The following ZNF347 variants were observed in gnomAD, a reference collection of about 807,000 sequenced individuals.
ZNF347 encodes CTD-2620I22.7.
Under a neutral mutation model 12.9 loss-of-function variants are expected in ZNF347, and 19 were observed. The observed-to-expected ratio is 1.47, with a 90% CI of 1.03 to 2.16. ZNF347 has a LOEUF of 2.16. ZNF347 is among the 30% of genes most tolerant of loss of function. The pLI, the probability that ZNF347 is intolerant of heterozygous loss-of-function variation, is 0.00. For synonymous variants in ZNF347, 328 were observed against 340.6 expected, an observed-to-expected ratio of 0.96 and a Z score of 0.41; for missense variants, 1,005 against 990.6, an observed-to-expected ratio of 1.01 and a Z score of -0.19.
In ZNF347 at chr19:53,153,721, A is replaced by T; in HGVS notation, c.15+12T>A. 1 of 1,613,492 alleles carries T rather than the reference A, an allele frequency of 6.2e-7. No individual in the cohort carries two copies. Among genetic ancestry groups the T allele is most frequent in the Non-Finnish European group, 8.5e-7 (1 of 1,179,382 alleles). On this transcript the variant is annotated intron_variant, in intron 2 of 4. Transcript: ENST00000334197. ...TAAGAGACAGAACAATCCACTGATA[A>T]TATTACCTTACCTGGGTGAGAGCCA...
rs540923014 is a variant in ZNF347, at chr19:53,155,083, G to A, written c.-46-1290C>T. On this transcript the variant is annotated intron_variant, in intron 1 of 4. Transcript: ENST00000334197. ...CTCCAGAGTAGCTGGGATCACAGGC[G>A]CGTGCCACTATGCCTGGCTAATTTT... Among the ~76,000 whole-genome samples, 55 of 151,982 alleles carry A rather than the reference G, an allele frequency of 3.6e-4. No individual in the cohort carries two copies. In the South Asian group the frequency reaches 7.5e-3, roughly 21 times the overall value.
rs1475171392 is a variant in ZNF347 at position 53,138,153 on chromosome 19, T to A, written c.*2155A>T. The A allele has an allele frequency of 6.6e-6, 1 of 151,958 alleles. No individual in the cohort carries two copies. Among genetic ancestry groups the A allele is most frequent in the Non-Finnish European group, 1.5e-5 (1 of 68,190 alleles). 9.4% of individuals were successfully genotyped at this position (151,958 alleles called of 1,614,324 possible). Reference sequence around the variant, plus strand: ...TTTTTTGAGACAGGGTCTCGCTCTGTCACCCAGGCTGGAGTGCAATGGCGC... The same window carrying A: ...TTTTTTGAGACAGGGTCTCGCTCTGACACCCAGGCTGGAGTGCAATGGCGC... On this transcript the variant is annotated 3_prime_UTR_variant, in exon 5 of 5. Coordinates refer to ENST00000334197, the MANE Select transcript of ZNF347 (RefSeq NM_032584.3).
chr19:53,149,266 C>T lies in ZNF347; in HGVS notation c.117G>A (p.Glu39=). Residue 39 remains glutamate, a synonymous_variant, in exon 3 of 5, where the codon GAG becomes GAA. Coordinates refer to ENST00000334197, the MANE Select transcript of ZNF347 (RefSeq NM_032584.3). ...QRTLYRDVML[E]NYRNLASLGI... ...CCAGGGAGGCCAGGTTCCTATAATT[C>T]TCCAACATCACGTCCCTGTACAAAG... is the stretch of plus-strand genomic sequence containing the variant. 6.2e-7 allele frequency: 1 copy of T among 1,613,488 alleles called. No individual in the cohort carries two copies. The highest frequency in any genetic ancestry group is 8.5e-7 in the Non-Finnish European group (1 of 1,179,826).
At position 53,142,380 on chromosome 19, in the gene ZNF347, C is replaced by T. The variant is rs759465350; in HGVS notation, c.448G>A (p.Gly150Arg). The T allele has an allele frequency of 6.2e-7, 1 of 1,614,032 alleles. No individual in the cohort carries two copies. The highest frequency in any genetic ancestry group is 1.1e-5 in the South Asian group (1 of 91,074). ...GTCAAAAGCACTCCTTTGTAATTTCCTTCAGCATCTCTGCATTGATACTCA... is the reference window on the plus strand; with the variant it reads ...GTCAAAAGCACTCCTTTGTAATTTCTTTCAGCATCTCTGCATTGATACTCA... ...GLEYQCRDAE[G>R]NYKGVLLTQE... The change falls in exon 5 of 5, where the codon GGA becomes AGA. Residue 150 changes from glycine (G) to arginine (R), a missense_variant. By Grantham distance (125) the Gly-to-Arg change is moderately radical (BLOSUM62 -2). Transcript: ENST00000334197.
rs775319573 is a variant in ZNF347, at chr19:53,151,981, T to A, written c.15+1752A>T. ...GGTGGTGGACATCTGTAATTCCAGC[T>A]ACTCAGGAGGGTGAGGCAGGAGAAT... is the stretch of plus-strand genomic sequence containing the variant. On this transcript the variant is annotated intron_variant, in intron 2 of 4. Coordinates refer to ENST00000334197, the MANE Select transcript of ZNF347 (RefSeq NM_032584.3). Among the ~76,000 whole-genome samples the A allele has an allele frequency of 1.9e-4, 28 of 150,048 alleles. 2 individuals carry two copies. Among genetic ancestry groups the A allele is most frequent in the Non-Finnish European group, 3.7e-4 (25 of 67,690 alleles).
rs1193406276 is a variant in ZNF347 at position 53,149,312 on chromosome 19, C to A, written c.71G>T (p.Cys24Phe). 1.2e-6 allele frequency: 2 copies of A among 1,614,022 alleles called. No individual in the cohort carries two copies. The highest frequency in any genetic ancestry group is 1.7e-4 in the Middle Eastern group (1 of 6,060). Reference protein sequence around the residue: ...AIEFSQEEWTCLDPAQRTLYR... With the variant: ...AIEFSQEEWTFLDPAQRTLYR... ...CAAAGTCCTCTGAGCGGGGTCCAGG[C>A]ATGTCCACTCCTCCTGAGAGAATTC... The change falls in exon 3 of 5, where the codon TGC becomes TTC. Residue 24 changes from cysteine (C) to phenylalanine (F), a missense_variant. By Grantham distance (205) the Cys-to-Phe change is radical (BLOSUM62 -2). Transcript: ENST00000334197.
intron 1 of ZNF347, 24 bp downstream of exon 1, chr19:53,158,985 T>G (rs947408515): frequency 6.6e-6 from 1 of 151,600 alleles, no homozygotes; most frequent in Non-Finnish European, 1.5e-5. Flanking sequence ...TTCGCAAGTT[T>G]AATCCATACT....
chr19:53,158,585 G>C (rs1489146646), intron 1 of ZNF347: 2 of 152,228 alleles, frequency 1.3e-5, no homozygotes, highest in Non-Finnish European at 2.9e-5. Context: ...TGGGGTGGAG[G>C]GCGCGGTGCG....
At chr19:53,149,007 C>G in intron 3 of ZNF347, 198 bp from the exon 4 acceptor site, 1 of 1,088,612 alleles carries the variant, frequency 9.2e-7, no homozygotes, top group East Asian at 2.7e-5. Flanking sequence ...ACCACTGAAT[C>G]AAAGCATGGG....
At position 53,136,356 on chromosome 19, in the gene ZNF347, A is replaced by T. The variant is rs1599847965; in HGVS notation, c.*3952T>A. ...TTTTCTAAGTGTTCACTGGAGTAAC[A>T]CAGAGAAGAAATGCAGTAAACATAT... On this transcript the variant is annotated 3_prime_UTR_variant, in exon 5 of 5. Transcript: ENST00000334197. 1 of 152,008 alleles carries T rather than the reference A, an allele frequency of 6.6e-6. No homozygotes were observed. The highest frequency in any genetic ancestry group is 6.6e-5 in the Admixed American group (1 of 15,232). The allele number at this position is 152,008 out of a possible 1,614,324, so 9.4% of individuals were successfully genotyped here.
At chr19:53,158,000 C>G (rs556154414) in intron 1 of ZNF347, among the ~76,000 whole-genome samples, 9 of 152,222 alleles carry the variant, frequency 5.9e-5, no homozygotes, top group Non-Finnish European at 1.3e-4. Flanking sequence ...TTCCCTCACT[C>G]TTTCCTCTCA....
At chr19:53,153,647 A>C (rs1046994370) in intron 2 of ZNF347, 86 bp downstream of exon 2, 1 of 1,552,044 alleles carries the variant, frequency 6.4e-7, no homozygotes, top group Non-Finnish European at 8.9e-7. Context: ...AGGACGCTTC[A>C]GACTCAGAGA....
At chr19:53,144,894 C>A (rs1451051129) in intron 4 of ZNF347, among the ~76,000 whole-genome samples, 1 of 151,874 alleles carries the variant, frequency 6.6e-6, no homozygotes. Flanking sequence ...TGTTAAGACA[C>A]CAAACAAGTC....
chr19:53,156,854 TAG>T (rs1159397804), intron 1 of ZNF347, among the ~76,000 whole-genome samples: 5 of 152,028 alleles, frequency 3.3e-5, no homozygotes, highest in African/African-American at 9.7e-5. Flanking sequence ...TAACTCCAGG[TAG>T]AGAGTTTCAG....
At position 53,155,492 on chromosome 19, in the gene ZNF347, C is replaced by G. The variant is rs562432250; in HGVS notation, c.-46-1699G>C. Among the ~76,000 whole-genome samples, 10 of 151,604 alleles carry G rather than the reference C, an allele frequency of 6.6e-5. No homozygotes were observed. In the East Asian group the frequency reaches 1.8e-3, roughly 27 times the overall value. ...GGAGCGCAGGTGCAAGCCACCACAT[C>G]CAGCTTATTTTTTTCTATTTTTCGT... is the stretch of plus-strand genomic sequence containing the variant. On this transcript the variant is annotated intron_variant, in intron 1 of 4. Coordinates refer to ENST00000334197, the MANE Select transcript of ZNF347 (RefSeq NM_032584.3).
chr19:53,152,291 A>G (rs1280625648), intron 2 of ZNF347, among the ~76,000 whole-genome samples: 1 of 152,122 alleles, frequency 6.6e-6, no homozygotes, highest in Non-Finnish European at 1.5e-5. Flanking sequence ...CAAAATTTGC[A>G]GGCTAAAATG....
In ZNF347 at chr19:53,153,813, C is replaced by G; in HGVS notation, c.-46-20G>C. The stretch of plus-strand genomic sequence containing the variant: ...TTCTTCCTTAGGTAACAGGAAAGTG[C>G]CTTTAGAAGTCAATATTGAATATCC... On this transcript the variant is annotated intron_variant, in intron 1 of 4. Transcript: ENST00000334197. 6.2e-7 allele frequency: 1 copy of G among 1,601,188 alleles called. No homozygotes were observed.
rs539223991 is a variant in ZNF347 at position 53,136,391 on chromosome 19, T to G, written c.*3917A>C. ...AATGCAGTAAACATATAATTTGGAT[T>G]AAAATGTATGGAAGGAAAAAATCCT... On this transcript the variant is annotated 3_prime_UTR_variant, in exon 5 of 5. Transcript: ENST00000334197. The G allele has an allele frequency of 3.9e-5, 6 of 152,048 alleles. No individual in the cohort carries two copies. In the East Asian group the frequency reaches 1.2e-3, roughly 29 times the overall value. The allele number at this position is 152,048 out of a possible 1,614,324, so 9.4% of individuals were successfully genotyped here.
rs1446963967 is a variant in ZNF347 at position 53,159,019 on chromosome 19, G to C, written c.-57C>G. 1.3e-5 allele frequency: 2 copies of C among 152,088 alleles called. No individual in the cohort carries two copies. Among genetic ancestry groups the C allele is most frequent in the Admixed American group, 6.5e-5 (1 of 15,274 alleles). 9.4% of individuals were successfully genotyped at this position (152,088 alleles called of 1,614,324 possible). On this transcript the variant is annotated 5_prime_UTR_variant, in exon 1 of 5. Coordinates refer to ENST00000334197, the MANE Select transcript of ZNF347 (RefSeq NM_032584.3). ...CTGAGGGACACTCACGCTCGGCGGC[G>C]TCACCCGCACCCAACACGATCCGCT...
Sources: allele counts gnomAD v4.1 joint callset (sites outside exome capture counted in the v4.1 genomes callset), GRCh38; gene constraint gnomAD v4.1.1; transcripts MANE v1.5; gene names NCBI Gene and HGNC (gene_info 2026-07-23, HGNC 2026-07-21).